Variants in ASAP2 observed in about 807,000 individuals in gnomAD.
ASAP2 encodes ArfGAP with SH3 domain, ankyrin repeat and PH domain 2.
A neutral mutation model predicts 131.4 loss-of-function variants in ASAP2; 45 were observed. The observed-to-expected ratio is 0.34, with a 90% CI of 0.27 to 0.44. The LOEUF (loss-of-function observed/expected upper bound fraction) is 0.44. ASAP2 is among the 20% of genes least tolerant of loss of function. ASAP2 has a pLI of 1.00. For synonymous variants in ASAP2, 510 were observed against 503.0 expected (o/e 1.01, Z -0.19); for missense variants, 1,011 against 1,297.0 (o/e 0.78, Z 3.39).
intron 2 of ASAP2, among the ~76,000 whole-genome samples, chr2:9,283,914 A>G (rs764419337): frequency 1.3e-5 from 2 of 152,164 alleles, no homozygotes; most frequent in African/African-American, 4.8e-5. Context: ...ATGCTTCCCG[A>G]TGGCCCCATC....
intron 15 of ASAP2, among the ~76,000 whole-genome samples, chr2:9,366,143 T>A (rs184159919): frequency 2.6e-5 from 4 of 152,102 alleles, no homozygotes; most frequent in African/African-American, 9.7e-5. Flanking sequence ...GGGTTCTCTA[T>A]GGGCTGAAAC....
chr2:9,363,344 G>A lies in ASAP2; in HGVS notation c.1461+4455G>A, dbSNP rs139329859. Reference sequence around the variant, plus strand: ...GGTTATATGGTGGTTCTAGTTTTTCGAGGAACCTCCATAACCATTTTCTAT... The same window carrying A: ...GGTTATATGGTGGTTCTAGTTTTTCAAGGAACCTCCATAACCATTTTCTAT... On this transcript the variant is annotated intron_variant, in intron 15 of 27. Coordinates refer to ENST00000281419, the MANE Select transcript of ASAP2 (RefSeq NM_003887.3). 1.7e-4 allele frequency among the ~76,000 whole-genome samples: 26 copies of A among 152,130 alleles called. No homozygotes were observed. In the East Asian group the frequency reaches 4.8e-3, roughly 28 times the overall value.
intron 1 of ASAP2, among the ~76,000 whole-genome samples, chr2:9,220,981 T>A (rs1388133298): frequency 2.6e-5 from 4 of 152,240 alleles, no homozygotes. Context: ...AGTTTATTTC[T>A]GGACCCTCAG....
In ASAP2 at chr2:9,389,431, C is replaced by G. The variant is rs1344746213; in HGVS notation, c.2383+885C>G. Among the ~76,000 whole-genome samples, 1 of 152,222 alleles carries G rather than the reference C, an allele frequency of 6.6e-6. No individual in the cohort carries two copies. Among genetic ancestry groups the G allele is most frequent in the African/African-American group, 2.4e-5 (1 of 41,462 alleles). On this transcript the variant is annotated intron_variant, in intron 22 of 27. Transcript: ENST00000281419. This position sits in a 1 kb window ranked among gnomAD's most constrained non-coding sequence, Gnocchi z 4.7. ...GGAGCCCACGTCCCCAAATACATCC[C>G]AAACTGTCCTTATGTGGTAGCTGCT... is the stretch of plus-strand genomic sequence containing the variant.
intron 17 of ASAP2, among the ~76,000 whole-genome samples, chr2:9,376,234 G>C (rs1237864742): frequency 6.6e-6 from 1 of 152,252 alleles, no homozygotes; most frequent in Non-Finnish European, 1.5e-5. Flanking sequence ...GCTGCCGCCA[G>C]AGGGCCCAGC....
chr2:9,261,182 A>G (rs1369984643), intron 1 of ASAP2, among the ~76,000 whole-genome samples: 2 of 152,182 alleles, frequency 1.3e-5, no homozygotes. Context: ...GTTTAGAGAA[A>G]GCAGGGGTAA....
chr2:9,270,624 T>C (rs1427339623), intron 1 of ASAP2, among the ~76,000 whole-genome samples: 3 of 151,978 alleles, frequency 2.0e-5, no homozygotes, highest in Admixed American at 6.6e-5. Context: ...TAAATTATTG[T>C]TGACCTTTGT....
chr2:9,249,963 T>C (rs529972150), intron 1 of ASAP2, among the ~76,000 whole-genome samples: 1 of 152,350 alleles, frequency 6.6e-6, no homozygotes, highest in Admixed American at 6.5e-5. Context: ...ACATGCCATG[T>C]GGAAGGAAGG....
At chr2:9,210,803 C>T (rs1006221898) in intron 1 of ASAP2, among the ~76,000 whole-genome samples, 5 of 151,968 alleles carry the variant, frequency 3.3e-5, no homozygotes, top group African/African-American at 1.2e-4. Flanking sequence ...CCTTGTGATC[C>T]GCCCGCCTTG....
chr2:9,226,729 A>G (rs1027893500), intron 1 of ASAP2, among the ~76,000 whole-genome samples: 1 of 152,180 alleles, frequency 6.6e-6, no homozygotes, highest in Admixed American at 6.5e-5. Context: ...AGCCTGGAAA[A>G]ACAAAGAACA....
At chr2:9,315,621 C>T (rs761618330) in intron 3 of ASAP2, among the ~76,000 whole-genome samples, 2 of 152,010 alleles carry the variant, frequency 1.3e-5, no homozygotes, top group Admixed American at 6.5e-5. Flanking sequence ...GGAACTGTGA[C>T]GGGAGTTTCA....
rs76650743 is a variant in ASAP2 at position 9,215,611 on chromosome 2, C to A, written c.126+8381C>A. Among the ~76,000 whole-genome samples the A allele has an allele frequency of 4.7e-3, 709 of 150,732 alleles. 3 individuals are homozygous for A. The highest frequency in any genetic ancestry group is 0.016 in the African/African-American group (677 of 41,066). On this transcript the variant is annotated intron_variant, in intron 1 of 27. Transcript: ENST00000281419. ...TTTTTTTCCAATCCAAGTTTATGGA[C>A]CCCCTGGATTCAGACAGAGAATTCC...
chr2:9,373,224 C>T (rs1674122595), intron 16 of ASAP2, among the ~76,000 whole-genome samples: 1 of 151,988 alleles, frequency 6.6e-6, no homozygotes, highest in African/African-American at 2.4e-5. Context: ...GATAAAAGTG[C>T]CAGAGCACAA....
At chr2:9,228,991 G>A (rs1234358654) in intron 1 of ASAP2, among the ~76,000 whole-genome samples, 1 of 152,136 alleles carries the variant, frequency 6.6e-6, no homozygotes, top group African/African-American at 2.4e-5. Flanking sequence ...AGGGAGTGCT[G>A]CCGGGCTCCA....
chr2:9,309,679 C>A (rs1669167959), intron 3 of ASAP2, among the ~76,000 whole-genome samples: 1 of 152,166 alleles, frequency 6.6e-6, no homozygotes. Flanking sequence ...TTTTCAAAAG[C>A]CATTTGTCCA....
intron 1 of ASAP2, among the ~76,000 whole-genome samples, chr2:9,236,956 G>A (rs1013770078): frequency 1.3e-5 from 2 of 152,180 alleles, no homozygotes; most frequent in Non-Finnish European, 2.9e-5. Context: ...GTACCAGGCA[G>A]GGCTGGGGTA....
At chr2:9,337,185 G>C (rs902627033) in intron 9 of ASAP2, among the ~76,000 whole-genome samples, 12 of 152,206 alleles carry the variant, frequency 7.9e-5, no homozygotes, top group African/African-American at 2.7e-4. Context: ...TTCTTTGGCT[G>C]TCTGCCCAGT....
intron 3 of ASAP2, among the ~76,000 whole-genome samples, chr2:9,308,538 T>C (rs1669096134): frequency 6.6e-6 from 1 of 152,136 alleles, no homozygotes; most frequent in African/African-American, 2.4e-5. Context: ...GACGGGCTGC[T>C]CTGTGTAAAA....
rs201120621 is a variant in ASAP2, at chr2:9,344,514, C to T, written c.850-18C>T. ...GGACCTGGACAAGATTAAAAACACA[C>T]TCTTCACCATTTTTTAGGACTCCCA... On this transcript the variant is annotated intron_variant, in intron 9 of 27. Transcript: ENST00000281419. 2.7e-3 allele frequency: 4,397 copies of T among 1,600,580 alleles called. 3 individuals carry two copies. Among genetic ancestry groups the T allele is most frequent in the Non-Finnish European group, 3.4e-3 (3,996 of 1,168,272 alleles).
Sources: allele counts gnomAD v4.1 joint callset (sites outside exome capture counted in the v4.1 genomes callset), GRCh38; gene constraint gnomAD v4.1.1; non-coding constraint Gnocchi (gnomAD v3.1); transcripts MANE v1.5; gene names NCBI Gene and HGNC (gene_info 2026-07-23, HGNC 2026-07-21).